The following CDKL5 variants were observed in gnomAD, a reference collection of about 807,000 sequenced individuals.
CDKL5 encodes cyclin dependent kinase like 5.
In CDKL5, 8 loss-of-function variants were observed where a neutral mutation model predicts 61.7. The ratio of observed to expected loss-of-function variants is 0.13; its 90% confidence interval spans 0.08 to 0.23. The LOEUF (loss-of-function observed/expected upper bound fraction) is 0.23. CDKL5 is among the 10% of genes least tolerant of loss of function. The pLI is 1.00. For missense variants in CDKL5, 440 were observed against 734.5 expected (o/e 0.60, Z 4.63); for synonymous variants, 275 against 272.3 (o/e 1.01, Z -0.10).
chrX:18,643,829 A>AATATATATAT (rs755520723), downstream of CDKL5, among the ~76,000 whole-genome samples: 2 of 105,883 alleles, frequency 1.9e-5, no homozygotes, highest in African/African-American at 6.9e-5. Context: ...ATTCATAGCA[A>AATATATATAT]ATATATATAT....
chrX:18,649,442 G>C (rs1927935185), intron 20 of CDKL5, among the ~76,000 whole-genome samples: 2 of 111,699 alleles, frequency 1.8e-5, no homozygotes. Context: ...CAGTAAAGTT[G>C]AATGAAACAT....
chrX:18,603,587 A>G (rs1202279613), intron 11 of CDKL5, among the ~76,000 whole-genome samples: 4 of 112,261 alleles, frequency 3.6e-5, no homozygotes, highest in Non-Finnish European at 7.5e-5. Flanking sequence ...TATCACAAAC[A>G]CTCATATGAG....
intron 15 of CDKL5, 29 bp from the exon 16 acceptor site, chrX:18,619,838 C>A: frequency 1.0e-6 from 1 of 959,849 alleles, no homozygotes; most frequent in Non-Finnish European, 1.5e-6. Flanking sequence ...ATTGAAAAAT[C>A]AATATGATAA....
At chrX:18,496,893 G>A (rs1922194185) in intron 1 of CDKL5, among the ~76,000 whole-genome samples, 1 of 110,931 alleles carries the variant, frequency 9.0e-6, no homozygotes, top group Non-Finnish European at 1.9e-5. Flanking sequence ...AACGAGGTAT[G>A]TCTGACCTCT....
downstream of CDKL5, chrX:18,644,378 G>A: frequency 9.0e-7 from 1 of 1,114,775 alleles, no homozygotes; most frequent in South Asian, 1.8e-5. Flanking sequence ...GGACAGGAGG[G>A]GAAGTCCCAG....
chrX:18,437,475 A>G (rs1234477862), intron 1 of CDKL5, among the ~76,000 whole-genome samples: 1 of 112,243 alleles, frequency 8.9e-6, no homozygotes, highest in Non-Finnish European at 1.9e-5. Flanking sequence ...TTTTAACGAA[A>G]TGTTTCATTA....
chrX:18,433,429 A>G (rs1165825348), intron 1 of CDKL5, among the ~76,000 whole-genome samples: 1 of 111,046 alleles, frequency 9.0e-6, no homozygotes, highest in Non-Finnish European at 1.9e-5. Context: ...GCATGCCTAT[A>G]ATCCCAGCTA....
At chrX:18,551,950 T>G (rs1484190657) in intron 3 of CDKL5, among the ~76,000 whole-genome samples, 1 of 108,543 alleles carries the variant, frequency 9.2e-6, no homozygotes, top group Non-Finnish European at 1.9e-5. Flanking sequence ...AATCTGTCCT[T>G]AAAAAAACCG....
At chrX:18,628,314 C>T in intron 17 of CDKL5, 57 bp from the exon 18 acceptor site, 6 of 1,165,285 alleles carry the variant, frequency 5.1e-6, no homozygotes, top group Non-Finnish European at 7.0e-6. Flanking sequence ...CCTTCCCTCC[C>T]CAGCCTTATG....
intron 4 of CDKL5, among the ~76,000 whole-genome samples, chrX:18,571,250 A>G (rs146476108): frequency 9.0e-6 from 1 of 111,629 alleles, no homozygotes; most frequent in African/African-American, 3.3e-5. Context: ...AAATGGTAGC[A>G]TAGTTATACC....
rs771295110 is a variant in CDKL5, at chrX:18,598,615, T to TA, written c.977+5dup. The TA allele has an allele frequency of 8.3e-7, 1 of 1,205,350 alleles. No homozygotes were observed. The highest frequency in any genetic ancestry group is 2.2e-5 in the Admixed American group (1 of 45,754). Reference sequence around the variant, plus strand: ...GGAAAGCAGCACATTGTCTAATAGGTAAATATTCCCTTTTAAGGAAATACA... The same window carrying TA: ...GGAAAGCAGCACATTGTCTAATAGGTAAAATATTCCCTTTTAAGGAAATACA... On this transcript the variant is annotated splice_region_variant and intron_variant, in intron 11 of 17. Transcript: ENST00000623535.
chrX:18,521,667 A>G lies in CDKL5; in HGVS notation c.99+10813A>G, dbSNP rs750686680. 8.0e-5 allele frequency among the ~76,000 whole-genome samples: 9 copies of G among 112,526 alleles called. No homozygotes were observed. The East Asian group carries it at 1.9e-3, about 24-fold the overall frequency. On this transcript the variant is annotated intron_variant, in intron 3 of 17. Coordinates refer to ENST00000623535, the MANE Select transcript of CDKL5 (RefSeq NM_001323289.2). The stretch of plus-strand genomic sequence containing the variant: ...GTGTAACCATACCCAAATAATGTAC[A>G]TTGTACCCATTAAGTAATTTCTCAT...
At chrX:18,642,824 G>C (rs1927633485), downstream of CDKL5, among the ~76,000 whole-genome samples, 1 of 110,585 alleles carries the variant, frequency 9.0e-6, no homozygotes, top group Admixed American at 9.6e-5. Context: ...CGGATCGTTT[G>C]AGGTCAGGAG....
At chrX:18,433,474 G>C (rs891484288) in intron 1 of CDKL5, among the ~76,000 whole-genome samples, 1 of 111,612 alleles carries the variant, frequency 9.0e-6, no homozygotes, top group African/African-American at 3.3e-5. Context: ...TGCTTAAACC[G>C]GGGAGGTGGA....
chrX:18,509,199 A>ACG lies in CDKL5; in HGVS notation c.65-1620_65-1619insGC, dbSNP rs1351945385. On this transcript the variant is annotated intron_variant, in intron 2 of 17. Coordinates refer to ENST00000623535, the MANE Select transcript of CDKL5 (RefSeq NM_001323289.2). ...AGAGCGAGACTGTCTCAAAACACGC[A>ACG]CACACACACACACACACACACACAC... Among the ~76,000 whole-genome samples, 260 of 44,914 alleles carry ACG rather than the reference A, an allele frequency of 5.8e-3. 2 individuals are homozygous for ACG. In the Middle Eastern group the frequency reaches 0.065, roughly 11 times the overall value. The allele number at this position is 44,914 out of a possible 115,157, so 39.0% of individuals were successfully genotyped here.
intron 3 of CDKL5, among the ~76,000 whole-genome samples, chrX:18,518,385 C>CTTTTTTTTTTTTTTTTTTTTTTTTTTTTT (rs1195931109): frequency 8.8e-5 from 2 of 22,794 alleles, no homozygotes; most frequent in Admixed American, 5.6e-4. Context: ...CTTTTCTTTT[C>CTTTTTTTTTTTTTTTTTTTTTTTTTTTTT]TTATTTTTTT....
At chrX:18,500,015 C>T (rs775596313) in intron 1 of CDKL5, among the ~76,000 whole-genome samples, 102 of 111,561 alleles carry the variant, frequency 9.1e-4, no homozygotes, top group African/African-American at 3.3e-3. Context: ...CTAGATCGCC[C>T]AGATGACATA....
chrX:18,613,110 A>AAG, intron 14 of CDKL5, 42 bp from the exon 15 acceptor site: 3 of 1,081,152 alleles, frequency 2.8e-6, no homozygotes, highest in African/African-American at 3.8e-5. Flanking sequence ...AAAAAAAAAA[A>AAG]AAAAGAAAAG....
intron 11 of CDKL5, among the ~76,000 whole-genome samples, chrX:18,603,556 C>G (rs761704425): frequency 1.3e-3 from 149 of 112,412 alleles, no homozygotes; most frequent in Non-Finnish European, 2.3e-3. Flanking sequence ...TATAGCTCAG[C>G]TCTCTTCTTA....
Sources: gnomAD v4.1 joint callset for allele counts (sites outside exome capture counted in the v4.1 genomes callset) on GRCh38, gnomAD v4.1.1 for gene constraint, MANE v1.5 for transcripts, NCBI Gene and HGNC (gene_info 2026-07-23, HGNC 2026-07-21) for gene names.